TTF2: variants seen among roughly 807,000 people sequenced by gnomAD.
TTF2 encodes the protein transcription termination factor 2.
In TTF2, 108 loss-of-function variants were observed where a neutral mutation model predicts 142.4. The ratio of observed to expected loss-of-function variants is 0.76; its 90% confidence interval spans 0.65 to 0.89. TTF2 has a LOEUF of 0.89. TTF2 is among the 40% of genes least tolerant of loss of function. The pLI, the probability that TTF2 is intolerant of heterozygous loss-of-function variation, is 0.00. For synonymous variants in TTF2, 483 were observed against 506.2 expected (o/e 0.95, Z 0.61); for missense variants, 1,327 against 1,379.8 (o/e 0.96, Z 0.61).
chr1:117,079,196 C>T lies in TTF2; in HGVS notation c.1702-372C>T, dbSNP rs1216262626. ...CGGAGGCTGCAGTGGGCTGAGATCA[C>T]GCCACTGCACTCTAGCCTGGGCAAC... On this transcript the variant is annotated intron_variant, in intron 8 of 22. Transcript: ENST00000369466. This position sits in a 1 kb window ranked among gnomAD's most constrained non-coding sequence, Gnocchi z 4.2. Among the ~76,000 whole-genome samples, 4 of 152,008 alleles carry T rather than the reference C, an allele frequency of 2.6e-5. No individual in the cohort carries two copies. Among genetic ancestry groups the T allele is most frequent in the South Asian group, 2.1e-4 (1 of 4,814 alleles).
rs757341259 is a variant in TTF2 at position 117,088,994 on chromosome 1, C to G, written c.2342+12C>G. On this transcript the variant is annotated intron_variant, in intron 13 of 22. Coordinates refer to ENST00000369466, the MANE Select transcript of TTF2 (RefSeq NM_003594.4). ...TATTCGCTGCTGAAGTGAGTAACTT[C>G]TCGTGATTGTGTAAATATGAACCCT... The G allele has an allele frequency of 6.3e-7, 1 of 1,593,436 alleles. No individual in the cohort carries two copies. The highest frequency in any genetic ancestry group is 1.4e-5 in the African/African-American group (1 of 73,884).
chr1:117,076,100 T>A lies in TTF2; in HGVS notation c.1276-80T>A, dbSNP rs1289672. On this transcript the variant is annotated intron_variant, in intron 5 of 22. Transcript: ENST00000369466. This position sits in a 1 kb window ranked among gnomAD's most constrained non-coding sequence, Gnocchi z 4.6. ...AAAGACCATAATTTCAGAGTTTGGG[T>A]GTTTCAGGCTATTTTAATCTGAAAC... The A allele has an allele frequency of 1.4e-6, 2 of 1,388,296 alleles. No homozygotes were observed. The highest frequency in any genetic ancestry group is 2.0e-6 in the Non-Finnish European group (2 of 1,009,954). The allele number at this position is 1,388,296 out of a possible 1,614,324, so 86.0% of individuals were successfully genotyped here. A position where few individuals can be genotyped will look rare whatever the true frequency, so the allele number is the denominator to read the frequency against.
intron 13 of TTF2, among the ~76,000 whole-genome samples, chr1:117,089,259 G>GATATATATATATATATATATATAT: frequency 1.9e-5 from 1 of 52,070 alleles, no homozygotes; most frequent in Admixed American, 2.4e-4. Context: ...GCAAATATAT[G>GATATATATATATATATATATATAT]CTATATATAT....
Position 117,092,943 on chromosome 1 carries a change from C to A in TTF2, c.2976+42C>A. On this transcript the variant is annotated intron_variant, in intron 18 of 22. Coordinates refer to ENST00000369466, the MANE Select transcript of TTF2 (RefSeq NM_003594.4). The surrounding 1 kb of genome is among the most constrained non-coding windows in gnomAD (Gnocchi z 4.4). ...CTGTAGTAGTCGAGAGACTTCGATT[C>A]CTCACACATTTTCCTGTGTGACAGC... The A allele has an allele frequency of 1.2e-6, 2 of 1,605,810 alleles. No individual in the cohort carries two copies. The highest frequency in any genetic ancestry group is 1.1e-5 in the South Asian group (1 of 90,112).
rs1649402615 is a variant in TTF2, at chr1:117,099,337, A to G, written c.3344+430A>G. Among the ~76,000 whole-genome samples, 1 of 152,160 alleles carries G rather than the reference A, an allele frequency of 6.6e-6. No homozygotes were observed. Among genetic ancestry groups the G allele is most frequent in the African/African-American group, 2.4e-5 (1 of 41,440 alleles). Reference sequence around the variant, plus strand: ...ATGCTCCTTTGTCCCTAAGTACTTAAGTGTACATTTCTTAAAATTAAGGGA... The same window carrying G: ...ATGCTCCTTTGTCCCTAAGTACTTAGGTGTACATTTCTTAAAATTAAGGGA... On this transcript the variant is annotated intron_variant, in intron 22 of 22. Coordinates refer to ENST00000369466, the MANE Select transcript of TTF2 (RefSeq NM_003594.4). The surrounding 1 kb of genome is among the most constrained non-coding windows in gnomAD (Gnocchi z 4.3).
In TTF2 at chr1:117,090,880, AC is replaced by A. The variant is rs1048626392; in HGVS notation, c.2588+259del. ...TGCATAGAAGTCATAGGGTGTGGTCACCATATACTGAATCTGTCTGGTCCTC... is the reference window on the plus strand; with the variant it reads ...TGCATAGAAGTCATAGGGTGTGGTCACATATACTGAATCTGTCTGGTCCTC... On this transcript the variant is annotated intron_variant, in intron 15 of 22. Transcript: ENST00000369466. This position sits in a 1 kb window ranked among gnomAD's most constrained non-coding sequence, Gnocchi z 4.8. Among the ~76,000 whole-genome samples the A allele has an allele frequency of 2.0e-5, 3 of 152,106 alleles. No individual in the cohort carries two copies. The highest frequency in any genetic ancestry group is 4.4e-5 in the Non-Finnish European group (3 of 68,026).
rs185138804 is a variant in TTF2, at chr1:117,092,167, A to C, written c.2805+217A>C. The stretch of plus-strand genomic sequence containing the variant: ...TGATAATTCCTATGGCATCAAGAAT[A>C]GTGTATTTCTATTGTTTATTTTGTT... On this transcript the variant is annotated intron_variant, in intron 17 of 22. Coordinates refer to ENST00000369466, the MANE Select transcript of TTF2 (RefSeq NM_003594.4). The surrounding 1 kb of genome is among the most constrained non-coding windows in gnomAD (Gnocchi z 4.4). Among the ~76,000 whole-genome samples, 3 of 152,318 alleles carry C rather than the reference A, an allele frequency of 2.0e-5. No individual in the cohort carries two copies. Among genetic ancestry groups the C allele is most frequent in the Admixed American group, 2.0e-4 (3 of 15,304 alleles).
chr1:117,088,130 G>A (rs1008243919), intron 12 of TTF2, among the ~76,000 whole-genome samples: 2 of 152,154 alleles, frequency 1.3e-5, no homozygotes, highest in Non-Finnish European at 1.5e-5. Context: ...TTGGAAAATT[G>A]TTAGTAAATT....
intron 2 of TTF2, among the ~76,000 whole-genome samples, chr1:117,061,104 G>A (rs1214322833): frequency 6.6e-6 from 1 of 152,186 alleles, no homozygotes; most frequent in Non-Finnish European, 1.5e-5. Flanking sequence ...AAGAAACAAC[G>A]GAGGGCCTGG....
chr1:117,101,396 A>G lies in TTF2; in HGVS notation c.3361A>G (p.Thr1121Ala). 1 of 1,593,898 alleles carries G rather than the reference A, an allele frequency of 6.3e-7. No individual in the cohort carries two copies. The highest frequency in any genetic ancestry group is 8.5e-7 in the Non-Finnish European group (1 of 1,174,896). The change falls in exon 23 of 23, where the codon ACA (threonine) becomes GCA (alanine). Residue 1121 changes from threonine to alanine, a missense_variant. Coordinates refer to ENST00000369466, the MANE Select transcript of TTF2 (RefSeq NM_003594.4). The surrounding 1 kb of genome is among the most constrained non-coding windows in gnomAD (Gnocchi z 5.9). ...VVIHRFVCEG[T>A]VEEKILQLQE... is the part of the protein sequence containing the mutation. ...GTTTTTTAGATTTGTTTGTGAGGGA[A>G]CAGTAGAAGAAAAGATCTTACAGCT... is the stretch of plus-strand genomic sequence containing the variant.
In TTF2 at chr1:117,088,435, G is replaced by T. The variant is rs151095058; in HGVS notation, c.2161-366G>T. 3.3e-3 allele frequency among the ~76,000 whole-genome samples: 502 copies of T among 152,254 alleles called. 1 individual carries two copies. Among genetic ancestry groups the T allele is most frequent in the African/African-American group, 0.012 (485 of 41,556 alleles). ...GCCTGTGGTCCCGGCTGCTCGGGAG[G>T]CTGAGGCAGGAGAATGGCGTGAAGC... On this transcript the variant is annotated intron_variant, in intron 12 of 22. Transcript: ENST00000369466.
intron 3 of TTF2, among the ~76,000 whole-genome samples, chr1:117,065,404 A>T (rs61789116): frequency 6.6e-6 from 1 of 152,140 alleles, no homozygotes; most frequent in Admixed American, 6.5e-5. Flanking sequence ...CGAGACCATC[A>T]TGGCTAACAA....
In TTF2 at chr1:117,073,447, C is replaced by A. The variant is rs1467413454; in HGVS notation, c.219-214C>A. On this transcript the variant is annotated intron_variant, in intron 3 of 22. Coordinates refer to ENST00000369466, the MANE Select transcript of TTF2 (RefSeq NM_003594.4). The surrounding 1 kb of genome is among the most constrained non-coding windows in gnomAD (Gnocchi z 4.4). ...TAAACCTGTGTGCATTCTCTGGCTA[C>A]CATGCCATATTTATTCTTGGACTTC... Among the ~76,000 whole-genome samples the A allele has an allele frequency of 6.6e-6, 1 of 152,154 alleles. No homozygotes were observed. The highest frequency in any genetic ancestry group is 1.5e-5 in the Non-Finnish European group (1 of 68,028).
Position 117,090,100 on chromosome 1 carries a change from T to C in TTF2, c.2388T>C (p.Ser796=), listed in dbSNP as rs1342278289. Residue 796 remains serine (S), a synonymous_variant, in exon 14 of 23, where the codon AGT becomes AGC. Coordinates refer to ENST00000369466, the MANE Select transcript of TTF2 (RefSeq NM_003594.4). This position sits in a 1 kb window ranked among gnomAD's most constrained non-coding sequence, Gnocchi z 4.8. ...TTGATGAGTTCAATCTGTGGAGGAGTCAGGTTGACAATGGCTCAAAGAAAG... is the reference window on the plus strand; with the variant it reads ...TTGATGAGTTCAATCTGTGGAGGAGCCAGGTTGACAATGGCTCAAAGAAAG... ...SPFDEFNLWR[S]QVDNGSKKGG... 2 of 1,613,744 alleles carry C rather than the reference T, an allele frequency of 1.2e-6. No homozygotes were observed. The highest frequency in any genetic ancestry group is 2.7e-5 in the African/African-American group (2 of 74,826).
At position 117,093,378 on chromosome 1, in the gene TTF2, G is replaced by A. The variant is rs1031236278; in HGVS notation, c.2976+477G>A. 3.3e-5 allele frequency among the ~76,000 whole-genome samples: 5 copies of A among 152,068 alleles called. No individual in the cohort carries two copies. The highest frequency in any genetic ancestry group is 1.9e-4 in the East Asian group (1 of 5,188). On this transcript the variant is annotated intron_variant, in intron 18 of 22. Transcript: ENST00000369466. This position sits in a 1 kb window ranked among gnomAD's most constrained non-coding sequence, Gnocchi z 4.5. ...TCATTAGTCATTCTGCTCTGTTTTC[G>A]TCAGAGCTTTTTAAGGCAGAAACAT...
Position 117,076,121 on chromosome 1 carries a change from G to A in TTF2, c.1276-59G>A. 3 of 1,507,028 alleles carry A rather than the reference G, an allele frequency of 2.0e-6. No homozygotes were observed. Among genetic ancestry groups the A allele is most frequent in the Non-Finnish European group, 2.7e-6 (3 of 1,098,444 alleles). The allele number at this position is 1,507,028 out of a possible 1,614,324, so 93.4% of individuals were successfully genotyped here. ...TGGGTGTTTCAGGCTATTTTAATCTGAAACTATTCATCTAACAGTGTGAGA... is the reference window on the plus strand; with the variant it reads ...TGGGTGTTTCAGGCTATTTTAATCTAAAACTATTCATCTAACAGTGTGAGA... On this transcript the variant is annotated intron_variant, in intron 5 of 22. Coordinates refer to ENST00000369466, the MANE Select transcript of TTF2 (RefSeq NM_003594.4). The surrounding 1 kb of genome is among the most constrained non-coding windows in gnomAD (Gnocchi z 4.6).
rs377417167 is a variant in TTF2, at chr1:117,081,930, C to T, written c.1886C>T (p.Thr629Met). 129 of 1,614,032 alleles carry T rather than the reference C, an allele frequency of 8.0e-5. 1 individual carries two copies. Among genetic ancestry groups the T allele is most frequent in the South Asian group, 4.1e-4 (37 of 91,088 alleles). ...GAAAAGGAGAAAAGCACAGCTTTGACGTGGCTCTCCAAAGATGGTAGACAG... is the reference window on the plus strand; with the variant it reads ...GAAAAGGAGAAAAGCACAGCTTTGATGTGGCTCTCCAAAGATGGTAGACAG... ...KEEKEKSTAL[T>M]WLSKDDSCDF... Residue 629 changes from threonine to methionine, a missense_variant, in exon 10 of 23, where the codon ACG becomes ATG. Physicochemically the swap from Thr to Met is moderately conservative, Grantham distance 81 (BLOSUM62 -1). Coordinates refer to ENST00000369466, the MANE Select transcript of TTF2 (RefSeq NM_003594.4).
intron 3 of TTF2, 32 bp downstream of exon 3, chr1:117,062,505 T>C: frequency 2.6e-6 from 4 of 1,560,492 alleles, no homozygotes; most frequent in Non-Finnish European, 3.5e-6. Flanking sequence ...CTAAGTGTAT[T>C]TGCTTTTTTT....
At chr1:117,062,553 T>C in intron 3 of TTF2, 80 bp downstream of exon 3, 1 of 1,359,842 alleles carries the variant, frequency 7.4e-7, no homozygotes, top group Middle Eastern at 1.9e-4. Flanking sequence ...CAGGTATGTA[T>C]TAGGATTGTT....
Sources: allele counts gnomAD v4.1 joint callset (sites outside exome capture counted in the v4.1 genomes callset), GRCh38; gene constraint gnomAD v4.1.1; non-coding constraint Gnocchi (gnomAD v3.1); transcripts MANE v1.5; gene names NCBI Gene and HGNC (gene_info 2026-07-23, HGNC 2026-07-21).